The following USP6 variants were observed in gnomAD, a reference collection of about 807,000 sequenced individuals.
The protein encoded by USP6 is ubiquitin specific peptidase 6, also known as ubiquitin carboxyl-terminal hydrolase 6.
In USP6, 128 loss-of-function variants were observed where a neutral mutation model predicts 175.7. The observed-to-expected ratio is 0.73, with a 90% CI of 0.63 to 0.84. USP6 has a LOEUF of 0.84. Ranked by LOEUF, USP6 falls within the 40% of genes least tolerant of loss-of-function variation. The pLI is 0.00. For synonymous variants in USP6, 562 were observed against 630.6 expected (o/e 0.89, Z 1.63); for missense variants, 1,498 against 1,760.3 (o/e 0.85, Z 2.67).
At chr17:5,128,344 A>G (rs1312553876) in intron 7 of USP6, 2 of 152,226 alleles carry the variant, frequency 1.3e-5, no homozygotes, top group Non-Finnish European at 2.9e-5. Flanking sequence ...AAATATCAGA[A>G]ATGAAAAAGT....
chr17:5,151,814 G>A (rs1408211785), intron 30 of USP6, among the ~76,000 whole-genome samples: 1 of 152,092 alleles, frequency 6.6e-6, no homozygotes, highest in Non-Finnish European at 1.5e-5. Context: ...CCTACCTTTC[G>A]CCACAATTTC....
intron 30 of USP6, among the ~76,000 whole-genome samples, chr17:5,149,653 A>G (rs577541620): frequency 6.6e-6 from 1 of 152,228 alleles, no homozygotes; most frequent in African/African-American, 2.4e-5. Flanking sequence ...TCACTGCCAC[A>G]TAAACGCGGA....
Position 5,167,953 on chromosome 17 carries a change from G to A in USP6, c.3058G>A (p.Val1020Met), listed in dbSNP as rs780193411. Reference protein sequence around the residue: ...QERVVDKHESVEQSRRAQAEP... With the variant: ...QERVVDKHESMEQSRRAQAEP... Reference sequence around the variant, plus strand: ...ACAGGTTGTAGATAAGCATGAGAGTGTGGAGCAGAGTCGGCGAGCGCAAGC... The same window carrying A: ...ACAGGTTGTAGATAAGCATGAGAGTATGGAGCAGAGTCGGCGAGCGCAAGC... Residue 1020 changes from valine to methionine, a missense_variant, in exon 34 of 38, where the codon GTG (valine) becomes ATG (methionine). This residue lies in a region of USP6 where 1,217 missense variants were observed against 1,500.8 expected (regional missense o/e 0.81). Transcript: ENST00000574788. 6.2e-6 allele frequency: 10 copies of A among 1,611,884 alleles called. No homozygotes were observed. The Admixed American group carries it at 1.3e-4, about 21-fold the overall frequency.
At chr17:5,128,888 G>A (rs894981561) in intron 7 of USP6, 64 bp from the exon 8 acceptor site, 3 of 152,682 alleles carry the variant, frequency 2.0e-5, no homozygotes, top group South Asian at 2.1e-4. Flanking sequence ...CTCCCTGAGA[G>A]GCATAACCCA....
At chr17:5,125,677 TGC>T (rs2072867816) in intron 5 of USP6, 142 bp from the exon 6 acceptor site, 1 of 99,760 alleles carries the variant, frequency 1.0e-5, no homozygotes, top group African/African-American at 3.6e-5. Flanking sequence ...CACACGCACA[TGC>T]ACACACACAC....
intron 30 of USP6, among the ~76,000 whole-genome samples, chr17:5,150,663 T>G (rs543590725): frequency 1.3e-5 from 2 of 151,922 alleles, no homozygotes; most frequent in African/African-American, 4.8e-5. Flanking sequence ...CCTGGCTAAT[T>G]TTTGTATTTT....
chr17:5,148,499 G>C, intron 29 of USP6, 57 bp from the exon 30 acceptor site: 2 of 1,585,318 alleles, frequency 1.3e-6, no homozygotes, highest in Non-Finnish European at 1.7e-6. Flanking sequence ...CTTGAGAAAA[G>C]AGCAAAGATG....
At chr17:5,172,269 T>C (rs181644057) in intron 37 of USP6, among the ~76,000 whole-genome samples, 218 of 152,060 alleles carry the variant, frequency 1.4e-3, no homozygotes, top group African/African-American at 4.5e-3. Flanking sequence ...CGGTGGCTCA[T>C]GCCTATAATC....
chr17:5,132,894 A>C lies in USP6; in HGVS notation c.196-16A>C. 2 of 1,614,100 alleles carry C rather than the reference A, an allele frequency of 1.2e-6. No homozygotes were observed. The highest frequency in any genetic ancestry group is 2.2e-5 in the South Asian group (2 of 91,082). ...GCCTGGCAGCTCCACTAACTCCAAC[A>C]TGCCTCATTTGACAGAAAATTCGGC... On this transcript the variant is annotated splice_polypyrimidine_tract_variant and intron_variant, in intron 12 of 37. Coordinates refer to ENST00000574788, the MANE Select transcript of USP6 (RefSeq NM_001304284.2). This position sits in a 1 kb window ranked among gnomAD's most constrained non-coding sequence, Gnocchi z 4.7.
chr17:5,146,122 G>A lies in USP6; in HGVS notation c.2267G>A (p.Gly756Glu), dbSNP rs1305413040. The change falls in exon 28 of 38, where the codon GGA becomes GAA. Residue 756 changes from glycine to glutamate, a missense_variant. By Grantham distance (98) the Gly-to-Glu change is moderately conservative. Coordinates refer to ENST00000574788, the MANE Select transcript of USP6 (RefSeq NM_001304284.2). ...AAAAAACAGCTGAGGGATCTCTGTG[G>A]ACTTAATTCAGAACAAATCCTACTA... Reference protein sequence around the residue: ...GLKKQLRDLCGLNSEQILLAE... With the variant: ...GLKKQLRDLCELNSEQILLAE... 3.0e-5 allele frequency: 48 copies of A among 1,612,928 alleles called. No homozygotes were observed. Among genetic ancestry groups the A allele is most frequent in the Non-Finnish European group, 3.9e-5 (46 of 1,179,386 alleles).
intron 25 of USP6, among the ~76,000 whole-genome samples, chr17:5,143,219 C>T (rs1348886229): frequency 4.6e-5 from 7 of 152,102 alleles, no homozygotes; most frequent in Non-Finnish European, 1.0e-4. Context: ...AAGTGAGGAG[C>T]CCCTCTGCCC....
In USP6 at chr17:5,148,719, T is replaced by A; in HGVS notation, c.2595T>A (p.Leu865=). Reference sequence around the variant, plus strand: ...TGGTTAATGGTCACATGCCATCTCTTCCTGACAGCCCCTTTACAGGTTACA... The same window carrying A: ...TGGTTAATGGTCACATGCCATCTCTACCTGACAGCCCCTTTACAGGTTACA... The part of the protein sequence containing the change: ...NGMVNGHMPS[L]PDSPFTGYII... The change falls in exon 30 of 38, where the codon CTT becomes CTA. Residue 865 remains leucine (L), a synonymous_variant. Transcript: ENST00000574788. 1 of 1,613,928 alleles carries A rather than the reference T, an allele frequency of 6.2e-7. No homozygotes were observed. The highest frequency in any genetic ancestry group is 8.5e-7 in the Non-Finnish European group (1 of 1,179,846).
intron 4 of USP6, among the ~76,000 whole-genome samples, chr17:5,123,408 C>A (rs2072771793): frequency 6.6e-6 from 1 of 151,886 alleles, no homozygotes; most frequent in Non-Finnish European, 1.5e-5. Context: ...CGTGGCGCGG[C>A]GGGGCCTCCG....
rs369799547 is a variant in USP6, at chr17:5,136,697, T to C, written c.722T>C (p.Val241Ala). ...GGGCTCCAAGACCAACAGGAGCATG[T>C]GGTACCCAAGTCACAACCCAAGACC... ...VQGLQDQQEH[V>A]VPKSQPKTMW... The change falls in exon 18 of 38, where the codon GTG becomes GCG. Residue 241 changes from valine to alanine, a missense_variant. Val to Ala is a moderately conservative substitution (Grantham distance 64). This residue lies in a region of USP6 where 1,217 missense variants were observed against 1,500.8 expected (regional missense o/e 0.81). Coordinates refer to ENST00000574788, the MANE Select transcript of USP6 (RefSeq NM_001304284.2). 6.2e-7 allele frequency: 1 copy of C among 1,612,146 alleles called. No individual in the cohort carries two copies. The highest frequency in any genetic ancestry group is 8.5e-7 in the Non-Finnish European group (1 of 1,179,768).
chr17:5,120,402 G>A (rs1356700234), intron 2 of USP6, among the ~76,000 whole-genome samples: 1 of 152,158 alleles, frequency 6.6e-6, no homozygotes, highest in African/African-American at 2.4e-5. Flanking sequence ...GTCCAGTCCC[G>A]AGTCACAGTG....
At chr17:5,140,568 A>G (rs561651269) in intron 22 of USP6, among the ~76,000 whole-genome samples, 1 of 152,292 alleles carries the variant, frequency 6.6e-6, no homozygotes, top group African/African-American at 2.4e-5. Context: ...GTGAGACAAT[A>G]TCTCTTAAAA....
At chr17:5,138,909 A>T in intron 21 of USP6, 2 of 1,061,712 alleles carry the variant, frequency 1.9e-6, no homozygotes, top group Non-Finnish European at 1.3e-6. Context: ...GTGAGGTGGC[A>T]AGGAGCTGGG....
chr17:5,158,240 C>T (rs1226566062), intron 31 of USP6, among the ~76,000 whole-genome samples: 4 of 151,962 alleles, frequency 2.6e-5, no homozygotes, highest in Non-Finnish European at 5.9e-5. Context: ...TGCATTCCGA[C>T]ATTTAGAGAT....
chr17:5,126,068 C>T (rs1972822), intron 6 of USP6, 130 bp downstream of exon 6: 73,368 of 152,136 alleles, frequency 0.48, 20,371 homozygotes, highest in Non-Finnish European at 0.64. Context: ...AGTCACCGCG[C>T]CCAGCCGGGA....
Sources: allele counts gnomAD v4.1 joint callset (sites outside exome capture counted in the v4.1 genomes callset), GRCh38; gene constraint gnomAD v4.1.1; regional missense constraint gnomAD v4.1.1; non-coding constraint Gnocchi (gnomAD v3.1); transcripts MANE v1.5; gene names NCBI Gene and HGNC (gene_info 2026-07-23, HGNC 2026-07-21).